The following GBF1 variants were observed in gnomAD, a reference collection of about 807,000 sequenced individuals.
GBF1 encodes the protein golgi brefeldin A resistant guanine nucleotide exchange factor 1, also known as Golgi-specific brefeldin A-resistance guanine nucleotide exchange factor 1.
Under a neutral mutation model 210.5 loss-of-function variants are expected in GBF1, and 114 were observed. The observed-to-expected ratio is 0.54, with a 90% confidence interval of 0.47 to 0.63. The LOEUF is 0.63. Ranked by LOEUF, GBF1 falls within the 30% of genes least tolerant of loss-of-function variation. The probability of loss-of-function intolerance (pLI) is 0.00; values close to 1 mark genes in which losing one functional copy is unlikely to be tolerated. For missense variants in GBF1, 1,851 were observed against 2,357.7 expected, an observed-to-expected ratio of 0.79 and a Z score of 4.45; for synonymous variants, 850 against 889.2, an observed-to-expected ratio of 0.96 and a Z score of 0.78.
chr10:102,248,983 A>G (rs1242673107), intron 1 of GBF1, among the ~76,000 whole-genome samples: 1 of 152,168 alleles, frequency 6.6e-6, no homozygotes, highest in Non-Finnish European at 1.5e-5. Flanking sequence ...GCAGATTGTT[A>G]CTGTTTTAGA....
chr10:102,357,588 C>T (rs539664784), intron 8 of GBF1, among the ~76,000 whole-genome samples: 1 of 152,060 alleles, frequency 6.6e-6, no homozygotes, highest in Admixed American at 6.5e-5. Context: ...GATAAAACTA[C>T]AAGTAGGAGG....
chr10:102,381,390 G>A (rs545986811), intron 39 of GBF1, 135 bp downstream of exon 39: 5 of 804,940 alleles, frequency 6.2e-6, no homozygotes, highest in East Asian at 2.6e-5. Context: ...GAGAACTGTT[G>A]CCGCTCTTCC....
chr10:102,244,798 T>C (rs762791277), upstream of GBF1, among the ~76,000 whole-genome samples: 1 of 152,176 alleles, frequency 6.6e-6, no homozygotes, highest in Non-Finnish European at 1.5e-5. Flanking sequence ...ATTTACTAAT[T>C]ATGTGAACAT....
intron 1 of GBF1, among the ~76,000 whole-genome samples, chr10:102,249,840 C>T (rs1034424205): frequency 4.6e-5 from 7 of 151,986 alleles, no homozygotes; most frequent in Middle Eastern, 3.4e-3. Context: ...TACAGGTGCA[C>T]GCCACCACAC....
chr10:102,332,581 AC>A (rs1422999477), intron 3 of GBF1, among the ~76,000 whole-genome samples: 1 of 151,880 alleles, frequency 6.6e-6, no homozygotes, highest in Non-Finnish European at 1.5e-5. Context: ...ACAGTGTTTC[AC>A]CATGTTGGTC....
At chr10:102,303,543 A>G (rs1180181304) in intron 3 of GBF1, among the ~76,000 whole-genome samples, 3 of 152,190 alleles carry the variant, frequency 2.0e-5, no homozygotes, top group Admixed American at 6.5e-5. Flanking sequence ...ATGGCTGCCT[A>G]AAGAATAATT....
chr10:102,343,553 C>G (rs942503685), intron 3 of GBF1, among the ~76,000 whole-genome samples: 1 of 152,070 alleles, frequency 6.6e-6, no homozygotes, highest in Non-Finnish European at 1.5e-5. Context: ...CACGGTGGCT[C>G]GCGCCTGTAA....
intron 3 of GBF1, among the ~76,000 whole-genome samples, chr10:102,328,702 T>C (rs1363648315): frequency 2.6e-5 from 4 of 152,162 alleles, no homozygotes; most frequent in African/African-American, 9.7e-5. Context: ...GTCTGATTCT[T>C]CTCCAGGAGC....
At chr10:102,365,128 C>G (rs552644897) in intron 17 of GBF1, among the ~76,000 whole-genome samples, 1 of 152,304 alleles carries the variant, frequency 6.6e-6, no homozygotes, top group Admixed American at 6.5e-5. Context: ...TACTTTTCCC[C>G]CAATCCTAAG....
At chr10:102,343,443 A>T (rs1565134180) in intron 3 of GBF1, among the ~76,000 whole-genome samples, 1 of 152,340 alleles carries the variant, frequency 6.6e-6, no homozygotes, top group South Asian at 2.1e-4. Context: ...ATATTGAAAA[A>T]TTATTGTTAA....
At chr10:102,339,438 G>A (rs575260913) in intron 3 of GBF1, among the ~76,000 whole-genome samples, 177 of 151,706 alleles carry the variant, frequency 1.2e-3, no homozygotes, top group African/African-American at 3.8e-3. Context: ...AGGCTGAGGC[G>A]GACAGATCAC....
Position 102,359,425 on chromosome 10 carries a change from C to A in GBF1, c.1170C>A (p.Ser390=). The change falls in exon 11 of 40, where the codon TCC becomes TCA. Residue 390 remains serine (S), a synonymous_variant. Coordinates refer to ENST00000369983, the MANE Select transcript of GBF1 (RefSeq NM_001377137.1). The part of the protein sequence containing the change: ...NPRGVRFTQS[S]QKEGTALVPY... ...GGGGCGTGCGCTTTACACAGTCCTC[C>A]CAGAAAGAAGGTGGGTATTCTGGTA... is the stretch of plus-strand genomic sequence containing the variant. 1 of 1,612,838 alleles carries A rather than the reference C, an allele frequency of 6.2e-7. No homozygotes were observed. The highest frequency in any genetic ancestry group is 1.3e-5 in the African/African-American group (1 of 74,972).
At chr10:102,231,893 C>T in the GBF1 span, 2 of 1,561,118 alleles carry the variant, frequency 1.3e-6, no homozygotes, top group Non-Finnish European at 1.8e-6. Flanking sequence ...CGGGGCTGCC[C>T]AGCCGGGGTC....
intron 3 of GBF1, among the ~76,000 whole-genome samples, chr10:102,307,786 G>T: frequency 6.6e-6 from 1 of 151,768 alleles, no homozygotes. Context: ...AGAGCAAGAC[G>T]CCGTCTCAAA....
At chr10:102,342,288 C>T (rs1233310981) in intron 3 of GBF1, among the ~76,000 whole-genome samples, 1 of 152,000 alleles carries the variant, frequency 6.6e-6, no homozygotes, top group Non-Finnish European at 1.5e-5. Flanking sequence ...GCGCCCGCCT[C>T]GGCCTCCCAA....
intron 3 of GBF1, among the ~76,000 whole-genome samples, chr10:102,319,650 C>A (rs1374029267): frequency 6.6e-6 from 1 of 151,608 alleles, no homozygotes; most frequent in Non-Finnish European, 1.5e-5. Flanking sequence ...TCTGGAACTT[C>A]CCTTCAGTTT....
intron 3 of GBF1, among the ~76,000 whole-genome samples, chr10:102,331,153 A>G (rs2134319299): frequency 6.6e-6 from 1 of 152,238 alleles, no homozygotes. Context: ...TTGAGCTGCT[A>G]TAGGGATGGA....
chr10:102,258,989 T>A lies in GBF1; in HGVS notation c.51T>A (p.Val17=). ...YIIQGEINIV[V]GAIKRNARWS... The stretch of plus-strand genomic sequence containing the variant: ...TTCAAGGGGAGATTAACATTGTGGT[T>A]GGGGCCATCAAACGAAATGCCCGAT... Residue 17 remains valine (V), a synonymous_variant, in exon 2 of 40, where the codon GTT becomes GTA. Transcript: ENST00000369983. 1 of 1,609,746 alleles carries A rather than the reference T, an allele frequency of 6.2e-7. No homozygotes were observed.
intron 27 of GBF1, 32 bp downstream of exon 27, chr10:102,370,277 C>A: frequency 6.6e-7 from 1 of 1,522,562 alleles, no homozygotes; most frequent in Non-Finnish European, 9.1e-7. Context: ...CATGGAACAA[C>A]TGGCTGAATC....
Sources: allele counts gnomAD v4.1 joint callset (sites outside exome capture counted in the v4.1 genomes callset), GRCh38; gene constraint gnomAD v4.1.1; transcripts MANE v1.5; gene names NCBI Gene and HGNC (gene_info 2026-07-23, HGNC 2026-07-21).